The following TMEM132B variants were observed in gnomAD, a reference collection of about 807,000 sequenced individuals.
TMEM132B encodes transmembrane protein 132B.
Under a neutral mutation model 90.8 loss-of-function variants are expected in TMEM132B, and 18 were observed. The ratio of observed to expected loss-of-function variants is 0.20; its 90% confidence interval spans 0.14 to 0.29. The LOEUF is 0.29. Among genes scored for constraint, TMEM132B ranks in the 10% least tolerant of loss-of-function variants. The probability of loss-of-function intolerance (pLI) is 1.00; values close to 1 mark genes in which losing one functional copy is unlikely to be tolerated. For synonymous variants in TMEM132B, 504 were observed against 523.3 expected (o/e 0.96, Z 0.50); for missense variants, 1,096 against 1,326.8 (o/e 0.83, Z 2.70).
chr12:125,272,610 G>A (rs961636993), intron 1 of TMEM132B, among the ~76,000 whole-genome samples: 2 of 152,162 alleles, frequency 1.3e-5, no homozygotes, highest in Non-Finnish European at 2.9e-5. Flanking sequence ...ACATCCAAGT[G>A]GCATGTGGCG....
At chr12:125,434,930 C>T (rs1176039370) in intron 3 of TMEM132B, among the ~76,000 whole-genome samples, 3 of 152,210 alleles carry the variant, frequency 2.0e-5, no homozygotes, top group Non-Finnish European at 2.9e-5. Context: ...ACTCAGAGTG[C>T]ATGAGGAGAG....
intron 3 of TMEM132B, among the ~76,000 whole-genome samples, chr12:125,494,223 C>T (rs1417573156): frequency 1.5e-5 from 2 of 132,532 alleles, no homozygotes; most frequent in African/African-American, 2.9e-5. Flanking sequence ...CCTCCTCTCC[C>T]TCCTCCCTGG....
At chr12:125,542,774 A>G (rs56275633) in intron 4 of TMEM132B, among the ~76,000 whole-genome samples, 2,672 of 152,330 alleles carry the variant, frequency 0.018, 87 homozygotes, top group African/African-American at 0.061. Context: ...TATAGCTTCT[A>G]TGAATAACAC....
intron 5 of TMEM132B, among the ~76,000 whole-genome samples, chr12:125,607,889 T>G (rs368409821): frequency 6.6e-6 from 1 of 152,230 alleles, no homozygotes; most frequent in Admixed American, 6.5e-5. Flanking sequence ...ACGTTTCACA[T>G]AGCATAATAG....
intron 1 of TMEM132B, among the ~76,000 whole-genome samples, chr12:125,279,460 T>C (rs1195723821): frequency 1.3e-5 from 2 of 152,230 alleles, no homozygotes; most frequent in Non-Finnish European, 2.9e-5. Flanking sequence ...TATGGGTACA[T>C]GCTAGGCAGA....
intron 2 of TMEM132B, among the ~76,000 whole-genome samples, chr12:125,353,107 GGCTTCAC>G (rs1877644066): frequency 6.6e-6 from 1 of 152,148 alleles, no homozygotes; most frequent in Non-Finnish European, 1.5e-5. Context: ...GCCAAGGGAT[GGCTTCAC>G]TGCCTCTGCC....
rs149301504 is a variant in TMEM132B at position 125,297,362 on chromosome 12, G to A, written c.68-52090G>A. The stretch of plus-strand genomic sequence containing the variant: ...GATGGGCCTCTGAGCATTGTTATTG[G>A]CCCACTGTCACCAGAAGCCCTTCTC... On this transcript the variant is annotated intron_variant, in intron 1 of 8. Transcript: ENST00000682704. Among the ~76,000 whole-genome samples, 41 of 152,298 alleles carry A rather than the reference G, an allele frequency of 2.7e-4. No individual in the cohort carries two copies. In the East Asian group the frequency reaches 7.1e-3, roughly 27 times the overall value.
At position 125,652,517 on chromosome 12, in the gene TMEM132B, A is replaced by C. The variant is rs145301341; in HGVS notation, c.1991A>C (p.Glu664Ala). 6.2e-7 allele frequency: 1 copy of C among 1,613,764 alleles called. No individual in the cohort carries two copies. Among genetic ancestry groups the C allele is most frequent in the Non-Finnish European group, 8.5e-7 (1 of 1,179,792 alleles). Residue 664 changes from glutamate (E) to alanine (A), a missense_variant, in exon 8 of 9, where the codon GAG becomes GCG. Physicochemically the swap from Glu to Ala is moderately radical, Grantham distance 107 (BLOSUM62 -1). Transcript: ENST00000682704. Reference sequence around the variant, plus strand: ...CTGGATGACCGAGTCACCATCGCGGAGCTGGGAGTGCAGCTCGTAGCTGGC... The same window carrying C: ...CTGGATGACCGAGTCACCATCGCGGCGCTGGGAGTGCAGCTCGTAGCTGGC... Reference protein sequence around the residue: ...IVLDDRVTIAELGVQLVAGMS... With the variant: ...IVLDDRVTIAALGVQLVAGMS...
intron 4 of TMEM132B, among the ~76,000 whole-genome samples, chr12:125,527,184 A>ACCTATTTACCCT (rs1883496389): frequency 9.0e-6 from 1 of 110,704 alleles, no homozygotes; most frequent in African/African-American, 3.6e-5. Context: ...CCTTCCATCC[A>ACCTATTTACCCT]TCCATCCACC....
At chr12:125,365,558 G>GT (rs1878103166) in intron 2 of TMEM132B, among the ~76,000 whole-genome samples, 1 of 152,016 alleles carries the variant, frequency 6.6e-6, no homozygotes, top group Admixed American at 6.6e-5. Context: ...CAGCATGTAT[G>GT]ACTTCTCTTG....
At chr12:125,617,330 G>C (rs967353000) in intron 5 of TMEM132B, among the ~76,000 whole-genome samples, 1 of 150,632 alleles carries the variant, frequency 6.6e-6, no homozygotes, top group East Asian at 2.0e-4. Context: ...CTTTAGTAGG[G>C]CTCTTTCACT....
chr12:125,205,755 C>T (rs1035384883), intron 1 of TMEM132B, among the ~76,000 whole-genome samples: 1 of 152,196 alleles, frequency 6.6e-6, no homozygotes, highest in East Asian at 1.9e-4. Context: ...AGCTGTATGG[C>T]CTTTTATGAC....
At chr12:125,244,606 A>G (rs1874167042) in intron 1 of TMEM132B, among the ~76,000 whole-genome samples, 1 of 152,160 alleles carries the variant, frequency 6.6e-6, no homozygotes, top group South Asian at 2.1e-4. Flanking sequence ...CTGGACAAAA[A>G]TTTTACCAGC....
intron 3 of TMEM132B, among the ~76,000 whole-genome samples, chr12:125,466,403 A>G (rs1881563481): frequency 1.3e-5 from 2 of 152,214 alleles, no homozygotes; most frequent in South Asian, 4.1e-4. Flanking sequence ...AAAATGAAAT[A>G]CAGACCTTTT....
chr12:125,199,515 A>T (rs1437288346), intron 1 of TMEM132B, among the ~76,000 whole-genome samples: 1 of 152,158 alleles, frequency 6.6e-6, no homozygotes, highest in Non-Finnish European at 1.5e-5. Context: ...TGCTTGGGGC[A>T]TCTCTGGGGG....
Position 125,464,939 on chromosome 12 carries a change from A to C in TMEM132B, c.1106+49262A>C, listed in dbSNP as rs114124101. On this transcript the variant is annotated intron_variant, in intron 3 of 8. Coordinates refer to ENST00000682704, the MANE Select transcript of TMEM132B (RefSeq NM_001366854.1). ...GTTTTCCATGTCATTGTATCTCATT[A>C]ATGAGACTTTGTACACTTTTATTGG... Among the ~76,000 whole-genome samples the C allele has an allele frequency of 4.6e-3, 701 of 152,332 alleles. 7 individuals are homozygous for C. The highest frequency in any genetic ancestry group is 0.015 in the African/African-American group (627 of 41,572).
At chr12:125,248,617 G>A (rs1013287573) in intron 1 of TMEM132B, among the ~76,000 whole-genome samples, 2 of 152,192 alleles carry the variant, frequency 1.3e-5, no homozygotes, top group Non-Finnish European at 2.9e-5. Flanking sequence ...AAATTATAAA[G>A]TAATCTATCT....
At position 125,498,702 on chromosome 12, in the gene TMEM132B, G is replaced by A. The variant is rs1443321398; in HGVS notation, c.1107-20737G>A. Among the ~76,000 whole-genome samples, 1 of 152,152 alleles carries A rather than the reference G, an allele frequency of 6.6e-6. No individual in the cohort carries two copies. The highest frequency in any genetic ancestry group is 1.5e-5 in the Non-Finnish European group (1 of 68,020). On this transcript the variant is annotated intron_variant, in intron 3 of 8. Coordinates refer to ENST00000682704, the MANE Select transcript of TMEM132B (RefSeq NM_001366854.1). This position sits in a 1 kb window ranked among gnomAD's most constrained non-coding sequence, Gnocchi z 4.5. ...TACACTCCAGGCTGCGGGGTCCTTGGAACACATTTATTTACTTTGGGTTAC... is the reference window on the plus strand; with the variant it reads ...TACACTCCAGGCTGCGGGGTCCTTGAAACACATTTATTTACTTTGGGTTAC...
chr12:125,362,249 C>T (rs760560746), intron 2 of TMEM132B, among the ~76,000 whole-genome samples: 1 of 152,196 alleles, frequency 6.6e-6, no homozygotes, highest in Non-Finnish European at 1.5e-5. Flanking sequence ...GGTGCTGACT[C>T]CCTGACTGAC....
Sources: allele counts gnomAD v4.1 joint callset (sites outside exome capture counted in the v4.1 genomes callset), GRCh38; gene constraint gnomAD v4.1.1; non-coding constraint Gnocchi (gnomAD v3.1); transcripts MANE v1.5; gene names NCBI Gene and HGNC (gene_info 2026-07-23, HGNC 2026-07-21).